TECTA: variants seen among roughly 807,000 people sequenced by gnomAD.
TECTA encodes tectorin alpha, also known as alpha-tectorin.
Under a neutral mutation model 216.8 loss-of-function variants are expected in TECTA, and 128 were observed. The observed-to-expected ratio is 0.59, with a 90% CI of 0.51 to 0.68. TECTA has a LOEUF of 0.68. Among genes scored for constraint, TECTA ranks in the 30% least tolerant of loss-of-function variants. The pLI, the probability that TECTA is intolerant of heterozygous loss-of-function variation, is 0.00. For synonymous variants in TECTA, 1,089 were observed against 1,117.1 expected, an observed-to-expected ratio of 0.97 and a Z score of 0.50; for missense variants, 2,551 against 2,786.2, an observed-to-expected ratio of 0.92 and a Z score of 1.90.
At chr11:121,137,159 C>A (rs995939434) in intron 10 of TECTA, among the ~76,000 whole-genome samples, 8 of 152,300 alleles carry the variant, frequency 5.3e-5, no homozygotes, top group African/African-American at 1.7e-4. Flanking sequence ...CATGCACACT[C>A]GCATGCACAG....
rs1190052070 is a variant in TECTA, at chr11:121,162,095, A to G, written c.4997A>G (p.Asn1666Ser). Residue 1666 changes from asparagine to serine, a missense_variant, in exon 16 of 24, where the codon AAC becomes AGC. This residue lies in a region of TECTA where 2,375 missense variants were observed against 2,563.9 expected (regional missense o/e 0.93). Coordinates refer to ENST00000392793, the MANE Select transcript of TECTA (RefSeq NM_005422.4). ...MQKRPLAPSCNELQFSQYAAM... is the reference protein window; with the variant it reads ...MQKRPLAPSCSELQFSQYAAM... ...ACCAGACCTCTTGCCCCCAGCTGCA[A>G]CGAGCTGCAGTTCTCACAGTATGCA... 1 of 1,614,130 alleles carries G rather than the reference A, an allele frequency of 6.2e-7. No homozygotes were observed. The highest frequency in any genetic ancestry group is 1.3e-5 in the African/African-American group (1 of 75,066).
Position 121,127,630 on chromosome 11 carries a change from G to T in TECTA, c.1775-122G>T. The T allele has an allele frequency of 1.8e-6, 2 of 1,114,488 alleles. No individual in the cohort carries two copies. Among genetic ancestry groups the T allele is most frequent in the South Asian group, 1.3e-5 (1 of 79,776 alleles). 69.0% of individuals were successfully genotyped at this position (1,114,488 alleles called of 1,614,324 possible). On this transcript the variant is annotated intron_variant, in intron 8 of 23. Transcript: ENST00000392793. This position sits in a 1 kb window ranked among gnomAD's most constrained non-coding sequence, Gnocchi z 5.0. ...ATACAACCTCAATTCTGTCTTCCCC[G>T]AGTGGCCGCTTGACCCTCACTCTAG...
intron 20 of TECTA, among the ~76,000 whole-genome samples, chr11:121,184,103 T>G (rs1024319588): frequency 6.6e-6 from 1 of 152,214 alleles, no homozygotes; most frequent in Non-Finnish European, 1.5e-5. Flanking sequence ...ACAATAATTC[T>G]TAAAGCAGGT....
intron 14 of TECTA, among the ~76,000 whole-genome samples, chr11:121,159,203 A>C (rs1463081819): frequency 6.6e-6 from 1 of 152,214 alleles, no homozygotes; most frequent in Non-Finnish European, 1.5e-5. Flanking sequence ...TGAGCTTAAA[A>C]TGAAGAATCT....
intron 16 of TECTA, among the ~76,000 whole-genome samples, chr11:121,163,649 T>C (rs1947024004): frequency 6.6e-6 from 1 of 152,208 alleles, no homozygotes; most frequent in South Asian, 2.1e-4. Flanking sequence ...AAAAATTAAC[T>C]GTTTTGAACT....
Position 121,187,828 on chromosome 11 carries a change from A to G in TECTA, c.6000-4A>G. 6.2e-7 allele frequency: 1 copy of G among 1,614,234 alleles called. No homozygotes were observed. Among genetic ancestry groups the G allele is most frequent in the Non-Finnish European group, 8.5e-7 (1 of 1,180,024 alleles). ...GCAAAGATTCCATTATTTTTTCTGA[A>G]TAGGTGTCAGAACCTCAAAGATAAC... On this transcript the variant is annotated splice_polypyrimidine_tract_variant and splice_region_variant and intron_variant, in intron 20 of 23. Coordinates refer to ENST00000392793, the MANE Select transcript of TECTA (RefSeq NM_005422.4).
chr11:121,183,970 G>C (rs752642449), intron 20 of TECTA, among the ~76,000 whole-genome samples: 4 of 151,866 alleles, frequency 2.6e-5, no homozygotes, highest in Non-Finnish European at 4.4e-5. Context: ...TCTATTTTTC[G>C]TAGAGACTTG....
intron 21 of TECTA, 104 bp downstream of exon 21, chr11:121,188,098 T>C (rs753117472): frequency 6.3e-6 from 8 of 1,275,094 alleles, no homozygotes; most frequent in Non-Finnish European, 9.0e-6. Context: ...GAATCATCCA[T>C]AGATGCTTGG....
At chr11:121,189,483 C>A (rs944534505) in intron 22 of TECTA, among the ~76,000 whole-genome samples, 1 of 152,010 alleles carries the variant, frequency 6.6e-6, no homozygotes, top group Non-Finnish European at 1.5e-5. Context: ...ACGCCATTCT[C>A]CTGCCTCAGC....
chr11:121,150,639 T>C (rs1565530722), intron 12 of TECTA, among the ~76,000 whole-genome samples: 3 of 129,410 alleles, frequency 2.3e-5, no homozygotes, highest in Non-Finnish European at 4.7e-5. Flanking sequence ...AAAGGCCTAT[T>C]TTAATTTTTT....
chr11:121,141,611 C>A (rs763002349), intron 11 of TECTA, among the ~76,000 whole-genome samples: 1 of 152,238 alleles, frequency 6.6e-6, no homozygotes, highest in Admixed American at 6.5e-5. Flanking sequence ...CCTGCCCCCA[C>A]CCTCAGGCTT....
rs1555122854 is a variant in TECTA, at chr11:121,119,002, C to CACACACAA, written c.1203+291_1203+292insAACACACA. On this transcript the variant is annotated intron_variant, in intron 7 of 23. Coordinates refer to ENST00000392793, the MANE Select transcript of TECTA (RefSeq NM_005422.4). ...TCATAAACACTGATAGGCACACACA[C>CACACACAA]ACACACACACACACACACACACACA... Among the ~76,000 whole-genome samples, 315 of 84,928 alleles carry CACACACAA rather than the reference C, an allele frequency of 3.7e-3. 3 individuals are homozygous for CACACACAA. Among genetic ancestry groups the CACACACAA allele is most frequent in the African/African-American group, 0.014 (276 of 19,964 alleles). The allele number at this position is 84,928 out of a possible 152,430, so 55.7% of individuals were successfully genotyped here.
chr11:121,107,389 G>C (rs1411839944), intron 3 of TECTA, among the ~76,000 whole-genome samples: 1 of 152,178 alleles, frequency 6.6e-6, no homozygotes, highest in Non-Finnish European at 1.5e-5. Flanking sequence ...GAGTAGTGCA[G>C]TTTTCTTCAA....
In TECTA at chr11:121,118,523, C is replaced by G. The variant is rs1191537341; in HGVS notation, c.1008C>G (p.Phe336Leu). The G allele has an allele frequency of 3.1e-6, 5 of 1,614,182 alleles. No individual in the cohort carries two copies. The highest frequency in any genetic ancestry group is 4.2e-6 in the Non-Finnish European group (5 of 1,180,040). ...GEPHYHTFDG[F>L]LFHFQGSCAY... Reference sequence around the variant, plus strand: ...CACACTACCACACTTTTGACGGCTTCCTCTTCCACTTCCAAGGCTCCTGTG... The same window carrying G: ...CACACTACCACACTTTTGACGGCTTGCTCTTCCACTTCCAAGGCTCCTGTG... Residue 336 changes from phenylalanine to leucine, a missense_variant, in exon 7 of 24, where the codon TTC (phenylalanine) becomes TTG (leucine). This residue lies in a region of TECTA where 2,375 missense variants were observed against 2,563.9 expected (regional missense o/e 0.93). Coordinates refer to ENST00000392793, the MANE Select transcript of TECTA (RefSeq NM_005422.4).
In TECTA at chr11:121,145,541, C is replaced by A; in HGVS notation, c.3544-14C>A. 1 of 1,614,044 alleles carries A rather than the reference C, an allele frequency of 6.2e-7. No individual in the cohort carries two copies. The highest frequency in any genetic ancestry group is 8.5e-7 in the Non-Finnish European group (1 of 1,179,864). ...GGCCAACTGTGTTTCTCCACCTCAT[C>A]TCTCCTCTTACAGGTCAACAGTGAA... On this transcript the variant is annotated splice_polypyrimidine_tract_variant and intron_variant, in intron 11 of 23. Transcript: ENST00000392793.
intron 10 of TECTA, among the ~76,000 whole-genome samples, chr11:121,131,128 C>T (rs932983517): frequency 3.4e-5 from 5 of 148,530 alleles, no homozygotes; most frequent in African/African-American, 7.5e-5. Flanking sequence ...GCAGGAGAAT[C>T]GCTTGTACCT....
chr11:121,163,605 T>TAAG (rs1280783163), intron 16 of TECTA, among the ~76,000 whole-genome samples: 1 of 152,098 alleles, frequency 6.6e-6, no homozygotes, highest in African/African-American at 2.4e-5. Context: ...ATAATAATAA[T>TAAG]AAGAAGAAGA....
rs775990050 is a variant in TECTA, at chr11:121,130,178, G to A, written c.2908G>A (p.Glu970Lys). The part of the protein sequence containing the change: ...YASACKNADV[E>K]VGPWRTYDFC... The stretch of plus-strand genomic sequence containing the variant: ...AAGCGCCTGCAAGAATGCGGACGTG[G>A]AGGTGGGGCCCTGGCGGACCTATGA... The change falls in exon 10 of 24, where the codon GAG becomes AAG. Residue 970 changes from glutamate to lysine, a missense_variant. Coordinates refer to ENST00000392793, the MANE Select transcript of TECTA (RefSeq NM_005422.4). The A allele has an allele frequency of 1.5e-5, 24 of 1,602,800 alleles. No individual in the cohort carries two copies. The highest frequency in any genetic ancestry group is 2.0e-5 in the Non-Finnish European group (24 of 1,179,986).
At chr11:121,153,203 G>C in intron 13 of TECTA, 123 bp downstream of exon 13, 1 of 1,142,848 alleles carries the variant, frequency 8.8e-7, no homozygotes, top group South Asian at 1.4e-5. Context: ...GTTCGTGGCA[G>C]GGGAATGGGA....
Sources: gnomAD v4.1 joint callset for allele counts (sites outside exome capture counted in the v4.1 genomes callset) on GRCh38, gnomAD v4.1.1 for gene constraint, gnomAD v4.1.1 regional missense constraint, Gnocchi (gnomAD v3.1) non-coding constraint, MANE v1.5 for transcripts, NCBI Gene and HGNC (gene_info 2026-07-23, HGNC 2026-07-21) for gene names.